ADK: variants seen among roughly 807,000 people sequenced by gnomAD.
The protein encoded by ADK is N6,N6-dimethyladenosine kinase.
ADK carries 24 observed loss-of-function variants against 44.7 expected under a neutral mutation model. The observed-to-expected ratio is 0.54, with a 90% CI of 0.39 to 0.76. The LOEUF (loss-of-function observed/expected upper bound fraction) is 0.76, where lower values mean the gene tolerates loss of function less well. Among genes scored for constraint, ADK ranks in the 30% least tolerant of loss-of-function variants. The pLI is 0.00. For synonymous variants in ADK, 128 were observed against 142.6 expected (o/e 0.90, Z 0.73); for missense variants, 321 against 425.1 (o/e 0.76, Z 2.15).
In ADK at chr10:74,472,387, A is replaced by C. The variant is rs143934044; in HGVS notation, c.556-52869A>C. On this transcript the variant is annotated intron_variant, in intron 6 of 10. Coordinates refer to ENST00000539909, the MANE Select transcript of ADK (RefSeq NM_006721.4). Reference sequence around the variant, plus strand: ...ATAAAAAGATGTTGAATTTTGCCAAATAGTTTTTCTGCATCAATAGAGATG... The same window carrying C: ...ATAAAAAGATGTTGAATTTTGCCAACTAGTTTTTCTGCATCAATAGAGATG... Among the ~76,000 whole-genome samples, 227 of 152,136 alleles carry C rather than the reference A, an allele frequency of 1.5e-3. 1 individual carries two copies. Among genetic ancestry groups the C allele is most frequent in the African/African-American group, 5.2e-3 (217 of 41,500 alleles).
intron 9 of ADK, among the ~76,000 whole-genome samples, chr10:74,665,370 C>T (rs999761293): frequency 3.3e-5 from 5 of 152,152 alleles, no homozygotes; most frequent in African/African-American, 1.2e-4. Context: ...TTTACCATCA[C>T]TTTTCTGTTT....
intron 1 of ADK, among the ~76,000 whole-genome samples, chr10:74,177,940 TATATA>T (rs1394692795): frequency 0.023 from 2,259 of 98,598 alleles, 72 homozygotes; most frequent in African/African-American, 0.081. Flanking sequence ...TATATATATA[TATATA>T]TTTTTTTTTT....
intron 2 of ADK, among the ~76,000 whole-genome samples, chr10:74,208,798 G>A (rs10824111): frequency 0.12 from 18,383 of 151,658 alleles, 1,135 homozygotes; most frequent in Middle Eastern, 0.2. Context: ...GTGCAGTGGC[G>A]CAATCTCAGC....
At chr10:74,287,824 T>A (rs188393539) in intron 3 of ADK, among the ~76,000 whole-genome samples, 12 of 151,754 alleles carry the variant, frequency 7.9e-5, no homozygotes, top group Admixed American at 4.6e-4. Context: ...ACTCCATCTC[T>A]ACAAAAAATT....
At chr10:74,644,303 T>A (rs545985280) in intron 9 of ADK, among the ~76,000 whole-genome samples, 1 of 152,306 alleles carries the variant, frequency 6.6e-6, no homozygotes, top group African/African-American at 2.4e-5. Context: ...AGATAGGAAG[T>A]ACAGTTCTTA....
rs1844762428 is a variant in ADK, at chr10:74,425,542, A to G, written c.555+26963A>G. ...AAAAAAAAAAAAATCCTAATTTCTC[A>G]CATTTTTCTATTTCACACTATGGCT... On this transcript the variant is annotated intron_variant, in intron 6 of 10. Transcript: ENST00000539909. Among the ~76,000 whole-genome samples, 3 of 152,094 alleles carry G rather than the reference A, an allele frequency of 2.0e-5. No homozygotes were observed. The South Asian group carries it at 6.2e-4, about 32-fold the overall frequency.
At chr10:74,439,447 C>G (rs1357737205) in intron 6 of ADK, among the ~76,000 whole-genome samples, 2 of 152,100 alleles carry the variant, frequency 1.3e-5, no homozygotes, top group African/African-American at 4.8e-5. Flanking sequence ...AATCTAATTC[C>G]ATGAAAGTAG....
At chr10:74,674,886 A>AAATTAATT (rs111435112) in intron 10 of ADK, among the ~76,000 whole-genome samples, 4 of 150,518 alleles carry the variant, frequency 2.7e-5, no homozygotes, top group East Asian at 2.0e-4. Flanking sequence ...TGTCTCAAAA[A>AAATTAATT]AATTAATTAA....
At chr10:74,619,010 CTTTGTGTGTG>C (rs1852879013) in intron 9 of ADK, among the ~76,000 whole-genome samples, 1 of 108,932 alleles carries the variant, frequency 9.2e-6, no homozygotes, top group East Asian at 2.8e-4. Flanking sequence ...CTTTTATGCT[CTTTGTGTGTG>C]TGTGTGTGTG....
At chr10:74,668,500 G>C (rs1451734288) in intron 9 of ADK, among the ~76,000 whole-genome samples, 1 of 152,188 alleles carries the variant, frequency 6.6e-6, no homozygotes, top group Non-Finnish European at 1.5e-5. Context: ...ACTTTGGGAG[G>C]CTGAGGCAGT....
chr10:74,637,031 A>G (rs1159008860), intron 9 of ADK, among the ~76,000 whole-genome samples: 2 of 152,254 alleles, frequency 1.3e-5, no homozygotes, highest in African/African-American at 4.8e-5. Flanking sequence ...AACAAGATTT[A>G]GTGACTTTAT....
chr10:74,545,667 A>T (rs1350855965), intron 7 of ADK, among the ~76,000 whole-genome samples: 1 of 152,132 alleles, frequency 6.6e-6, no homozygotes, highest in Non-Finnish European at 1.5e-5. Context: ...TTTGTGTTAG[A>T]TATTTTCAGG....
At chr10:74,341,155 G>A (rs1464132785) in intron 4 of ADK, among the ~76,000 whole-genome samples, 1 of 151,992 alleles carries the variant, frequency 6.6e-6, no homozygotes, top group Non-Finnish European at 1.5e-5. Context: ...TATATTCAAA[G>A]TGATGCTCTA....
At chr10:74,348,746 A>T (rs1043195098) in intron 4 of ADK, among the ~76,000 whole-genome samples, 1 of 151,770 alleles carries the variant, frequency 6.6e-6, no homozygotes, top group African/African-American at 2.4e-5. Flanking sequence ...AAAACACAGC[A>T]CGAGCACTTC....
chr10:74,372,566 T>G (rs1842694946), intron 4 of ADK: 1 of 311,966 alleles, frequency 3.2e-6, no homozygotes, highest in Non-Finnish European at 6.2e-6. Context: ...GCAATATTAA[T>G]GGGCAAATTG....
At chr10:74,576,182 G>A (rs2133876811) in intron 7 of ADK, among the ~76,000 whole-genome samples, 1 of 152,252 alleles carries the variant, frequency 6.6e-6, no homozygotes, top group African/African-American at 2.4e-5. Flanking sequence ...ACAGAAAAGT[G>A]AGAGAATGGG....
intron 3 of ADK, among the ~76,000 whole-genome samples, chr10:74,265,292 T>A (rs1846174419): frequency 6.6e-6 from 1 of 152,002 alleles, no homozygotes; most frequent in Admixed American, 6.6e-5. Flanking sequence ...CTCAGCTCAC[T>A]GCAACCTCTG....
intron 3 of ADK, among the ~76,000 whole-genome samples, chr10:74,278,626 C>T (rs937478677): frequency 6.6e-6 from 1 of 152,146 alleles, no homozygotes; most frequent in African/African-American, 2.4e-5. Flanking sequence ...TTTTGGTCAA[C>T]ATTTGACCAA....
At chr10:74,397,177 T>G (rs1843547946) in intron 5 of ADK, among the ~76,000 whole-genome samples, 1 of 152,110 alleles carries the variant, frequency 6.6e-6, no homozygotes, top group Non-Finnish European at 1.5e-5. Flanking sequence ...ATAGTTATTT[T>G]GTATATGAAT....
Sources: allele counts gnomAD v4.1 joint callset (sites outside exome capture counted in the v4.1 genomes callset), GRCh38; gene constraint gnomAD v4.1.1; transcripts MANE v1.5; gene names NCBI Gene and HGNC (gene_info 2026-07-23, HGNC 2026-07-21).